The following TOMM20 variants were observed in gnomAD, a reference collection of about 807,000 sequenced individuals.
TOMM20 encodes the protein mitochondrial import receptor subunit TOM20 homolog.
Under a neutral mutation model 22.1 loss-of-function variants are expected in TOMM20, and 10 were observed. That is an observed-to-expected ratio of 0.45 (90% CI 0.28 to 0.77). The LOEUF is 0.77. TOMM20 is among the 30% of genes least tolerant of loss of function. TOMM20 has a pLI of 0.13. For missense variants in TOMM20, 121 were observed against 172.2 expected (o/e 0.70, Z 1.66); for synonymous variants, 55 against 61.4 (o/e 0.90, Z 0.49).
At chr1:235,119,186 T>C (rs975373208) in intron 3 of TOMM20, among the ~76,000 whole-genome samples, 1 of 152,250 alleles carries the variant, frequency 6.6e-6, no homozygotes, top group Admixed American at 6.5e-5. Context: ...GTCAATTTGA[T>C]AATTTCAATT....
chr1:235,128,067 G>A, intron 1 of TOMM20: 1 of 341,216 alleles, frequency 2.9e-6, no homozygotes, highest in Non-Finnish European at 5.8e-6. Context: ...CCAGCTACTG[G>A]GGAGACTGAG....
At chr1:235,118,967 A>G (rs1660880939) in intron 3 of TOMM20, among the ~76,000 whole-genome samples, 1 of 152,256 alleles carries the variant, frequency 6.6e-6, no homozygotes, top group South Asian at 2.1e-4. Context: ...AGTTACCACC[A>G]TTTTAAATGA....
chr1:235,116,661 A>G (rs1289250578), intron 3 of TOMM20, among the ~76,000 whole-genome samples: 1 of 152,084 alleles, frequency 6.6e-6, no homozygotes, highest in Non-Finnish European at 1.5e-5. Flanking sequence ...CAGTGAGCTG[A>G]GACTGCACCA....
intron 1 of TOMM20, chr1:235,128,077 G>A: frequency 1.2e-5 from 4 of 334,678 alleles, no homozygotes; most frequent in South Asian, 9.0e-5. Context: ...GGGAGACTGA[G>A]GCAGGAGAAG....
intron 2 of TOMM20, among the ~76,000 whole-genome samples, chr1:235,120,276 G>GT (rs967019431): frequency 7.9e-5 from 12 of 151,920 alleles, no homozygotes; most frequent in African/African-American, 2.9e-4. Context: ...TGTTGTTTTT[G>GT]TTTTTTTGTT....
At chr1:235,116,153 T>C (rs1660823226) in intron 3 of TOMM20, among the ~76,000 whole-genome samples, 2 of 152,202 alleles carry the variant, frequency 1.3e-5, no homozygotes. Context: ...ACACCTGTAA[T>C]CCCAGCACTT....
intron 2 of TOMM20, among the ~76,000 whole-genome samples, 164 bp from the exon 3 acceptor site, chr1:235,120,063 T>A (rs1345111553): frequency 1.3e-5 from 2 of 152,226 alleles, no homozygotes; most frequent in Non-Finnish European, 1.5e-5. Context: ...TAAGAGTTCA[T>A]CTACATTCAA....
chr1:235,117,118 G>A (rs1023853466), intron 3 of TOMM20, among the ~76,000 whole-genome samples: 36 of 102,804 alleles, frequency 3.5e-4, no homozygotes, highest in African/African-American at 1.4e-3. Flanking sequence ...CTGGGCGACA[G>A]AGCGAGACTC....
intron 3 of TOMM20, among the ~76,000 whole-genome samples, chr1:235,116,897 A>C (rs1411379503): frequency 6.6e-6 from 1 of 152,094 alleles, no homozygotes; most frequent in Non-Finnish European, 1.5e-5. Context: ...GCACTTTGGG[A>C]GGCCAAGGCG....
Position 235,128,646 on chromosome 1 carries a change from A to C in TOMM20, c.70T>G (p.Phe24Val). Reference protein sequence around the residue: ...GALFIGYCIYFDRKRRSDPNF... With the variant: ...GALFIGYCIYVDRKRRSDPNF... ...GGGTCACTTCGTCTTTTGCGGTCGA[A>C]GTAGATGCAGTACCCAATGAAAAGG... Residue 24 changes from phenylalanine to valine, a missense_variant, in exon 1 of 5, where the codon TTC becomes GTC. Phe to Val is a conservative substitution (Grantham distance 50, BLOSUM62 -1). Transcript: ENST00000366607. The C allele has an allele frequency of 1.2e-6, 2 of 1,613,900 alleles. No individual in the cohort carries two copies. The highest frequency in any genetic ancestry group is 1.7e-6 in the Non-Finnish European group (2 of 1,179,962).
In TOMM20 at chr1:235,109,649, G is replaced by A. The variant is rs558551014; in HGVS notation, c.*2415C>T. 1 of 152,322 alleles carries A rather than the reference G, an allele frequency of 6.6e-6. No homozygotes were observed. Among genetic ancestry groups the A allele is most frequent in the East Asian group, 1.9e-4 (1 of 5,190 alleles). The allele number at this position is 152,322 out of a possible 1,614,324, so 9.4% of individuals were successfully genotyped here. ...TACATAAACGTGAACCTAAGTTCTA[G>A]TTATCAGTTAACAGGCCAGCATTGC... On this transcript the variant is annotated 3_prime_UTR_variant, in exon 5 of 5. Transcript: ENST00000366607.
intron 3 of TOMM20, 114 bp from the exon 4 acceptor site, chr1:235,114,024 A>G (rs1660785595): frequency 8.7e-7 from 1 of 1,151,086 alleles, no homozygotes; most frequent in Non-Finnish European, 1.2e-6. Flanking sequence ...CAAGTAAAAT[A>G]CTGGAAATGA....
At chr1:235,113,224 G>A (rs1660769217) in intron 4 of TOMM20, among the ~76,000 whole-genome samples, 1 of 152,178 alleles carries the variant, frequency 6.6e-6, no homozygotes, top group Non-Finnish European at 1.5e-5. Context: ...ATCTTTTACA[G>A]TATATTAATG....
Position 235,118,252 on chromosome 1 carries a change from G to T in TOMM20, c.250+1566C>A, listed in dbSNP as rs180757757. 5.3e-5 allele frequency among the ~76,000 whole-genome samples: 8 copies of T among 152,322 alleles called. No homozygotes were observed. The East Asian group carries it at 1.5e-3, about 29-fold the overall frequency. On this transcript the variant is annotated intron_variant, in intron 3 of 4. Coordinates refer to ENST00000366607, the MANE Select transcript of TOMM20 (RefSeq NM_014765.3). ...TTGCTGACTGGATAGCCAGATCGTCGTAAGTGGTATCTTTTGTTAATACAA... is the reference window on the plus strand; with the variant it reads ...TTGCTGACTGGATAGCCAGATCGTCTTAAGTGGTATCTTTTGTTAATACAA...
At chr1:235,112,816 A>G (rs185830507) in intron 4 of TOMM20, among the ~76,000 whole-genome samples, 22 of 152,340 alleles carry the variant, frequency 1.4e-4, no homozygotes, top group Non-Finnish European at 1.5e-5. Context: ...CAAAAGTACT[A>G]TACTATGCTG....
intron 1 of TOMM20, chr1:235,127,966 AG>A (rs1269727321): frequency 3.9e-6 from 2 of 512,836 alleles, no homozygotes; most frequent in Admixed American, 3.9e-5. Context: ...ATCTGAGGTC[AG>A]GAGTTCGAGA....
chr1:235,126,022 C>G (rs1414627988), intron 1 of TOMM20, among the ~76,000 whole-genome samples: 2 of 151,666 alleles, frequency 1.3e-5, no homozygotes, highest in African/African-American at 4.9e-5. Context: ...TCCCAAAGTG[C>G]TGGGATTACA....
intron 1 of TOMM20, among the ~76,000 whole-genome samples, chr1:235,126,305 G>T (rs1240958192): frequency 6.6e-6 from 1 of 150,438 alleles, no homozygotes; most frequent in South Asian, 2.1e-4. Context: ...GCTAATTTTT[G>T]TATTTTTAGC....
At position 235,122,322 on chromosome 1, in the gene TOMM20, T is replaced by C. The variant is rs1283433470; in HGVS notation, c.168+4A>G. ...TATAATTTAAACAGAAACCAGACTA[T>C]TACCTTGGAAAGCCCAGCTCTCTCC... On this transcript the variant is annotated splice_donor_region_variant and intron_variant, in intron 2 of 4. Coordinates refer to ENST00000366607, the MANE Select transcript of TOMM20 (RefSeq NM_014765.3). 2.6e-6 allele frequency: 4 copies of C among 1,534,740 alleles called. No homozygotes were observed. Among genetic ancestry groups the C allele is most frequent in the Non-Finnish European group, 2.6e-6 (3 of 1,143,336 alleles).
Sources: allele counts gnomAD v4.1 joint callset (sites outside exome capture counted in the v4.1 genomes callset), GRCh38; gene constraint gnomAD v4.1.1; transcripts MANE v1.5; gene names NCBI Gene and HGNC (gene_info 2026-07-23, HGNC 2026-07-21).